The following PURB variants were observed in gnomAD, a reference collection of about 807,000 sequenced individuals.
PURB encodes transcriptional regulator protein Pur-beta.
A neutral mutation model predicts 21.1 loss-of-function variants in PURB; 11 were observed. The ratio of observed to expected loss-of-function variants is 0.52; its 90% CI spans 0.33 to 0.86. The LOEUF (loss-of-function observed/expected upper bound fraction) is 0.86. Among genes scored for constraint, PURB ranks in the 40% least tolerant of loss-of-function variants. The pLI is 0.02. For synonymous variants in PURB, 246 were observed against 210.8 expected, an observed-to-expected ratio of 1.17 and a Z score of -1.45; for missense variants, 357 against 456.5, an observed-to-expected ratio of 0.78 and a Z score of 1.99.
In PURB at chr7:44,884,614, C is replaced by G. The variant is rs1793928037; in HGVS notation, c.735G>C (p.Leu245=). The change falls in exon 1 of 1, where the codon CTG becomes CTC. Residue 245 remains leucine, a synonymous_variant. Transcript: ENST00000395699. The stretch of plus-strand genomic sequence containing the variant: ...AGGACGGCTTCACCTCGCTCACTCG[C>G]AGAAACACCCCGTATTTGTTGCAGC... The part of the protein sequence containing the change: ...DVGCNKYGVF[L]RVSEVKPSYR... The G allele has an allele frequency of 6.2e-7, 1 of 1,614,116 alleles. No homozygotes were observed. Among genetic ancestry groups the G allele is most frequent in the Admixed American group, 1.7e-5 (1 of 60,012 alleles).
Position 44,883,505 on chromosome 7 carries a change from C to T in PURB, c.*905G>A, listed in dbSNP as rs1408412652. 2 of 152,634 alleles carry T rather than the reference C, an allele frequency of 1.3e-5. No individual in the cohort carries two copies. The highest frequency in any genetic ancestry group is 4.8e-5 in the African/African-American group (2 of 41,442). 9.5% of individuals were successfully genotyped at this position (152,634 alleles called of 1,614,324 possible). ...CCTCCATATTTAGAGATCAGGGGAA[C>T]AACTTTAGTGAGCAGCAACCAATCC... On this transcript the variant is annotated 3_prime_UTR_variant, in exon 1 of 1. Transcript: ENST00000395699.
chr7:44,884,514 T>A lies in PURB; in HGVS notation c.835A>T (p.Met279Leu). The A allele has an allele frequency of 6.2e-7, 1 of 1,614,072 alleles. No individual in the cohort carries two copies. The highest frequency in any genetic ancestry group is 8.5e-7 in the Non-Finnish European group (1 of 1,180,028). ...CTCTGTCGTTCCTGGATTTCTTTCATCTCATCCGCATACCGGCAAAAGGCG... is the reference window on the plus strand; with the variant it reads ...CTCTGTCGTTCCTGGATTTCTTTCAACTCATCCGCATACCGGCAAAAGGCG... ...GGAFCRYADE[M>L]KEIQERQRDK... Residue 279 changes from methionine to leucine, a missense_variant, in exon 1 of 1, where the codon ATG becomes TTG. Met to Leu is a conservative substitution (Grantham distance 15). Coordinates refer to ENST00000395699, the MANE Select transcript of PURB (RefSeq NM_033224.5).
Position 44,884,626 on chromosome 7 carries a change from G to A in PURB, c.723C>T (p.Tyr241=), listed in dbSNP as rs138885973. 143 of 1,614,230 alleles carry A rather than the reference G, an allele frequency of 8.9e-5. No individual in the cohort carries two copies. The African/African-American group carries it at 9.7e-4, about 11-fold the overall frequency. Residue 241 remains tyrosine, a synonymous_variant, in exon 1 of 1, where the codon TAC becomes TAT. Transcript: ENST00000395699. ...CCTCGCTCACTCGCAGAAACACCCC[G>A]TATTTGTTGCAGCCCACATCGAAGA... is the stretch of plus-strand genomic sequence containing the variant. ...RFFFDVGCNK[Y]GVFLRVSEVK... is the part of the protein sequence containing the mutation.
rs1793946464 is a variant in PURB at position 44,885,487 on chromosome 7, C to CCATCGCCTCCGCGCCCCG, written c.-140_-139insCGGGGCGCGGAGGCGATG. On this transcript the variant is annotated 5_prime_UTR_variant, in exon 1 of 1. In the 5' UTR this introduces an upstream ATG that the reference lacks. Transcript: ENST00000395699. Reference sequence around the variant, plus strand: ...GCTCATCGCCGGCCGCCGCCGCCCCCCCATCGCCTCCGCGCCCCGCCCCCG... The same window carrying CCATCGCCTCCGCGCCCCG: ...GCTCATCGCCGGCCGCCGCCGCCCCCCATCGCCTCCGCGCCCCGCCATCGCCTCCGCGCCCCGCCCCCG... 5.5e-6 allele frequency: 1 copy of CCATCGCCTCCGCGCCCCG among 183,454 alleles called. No individual in the cohort carries two copies. Among genetic ancestry groups the CCATCGCCTCCGCGCCCCG allele is most frequent in the African/African-American group, 2.4e-5 (1 of 41,864 alleles). The allele number at this position is 183,454 out of a possible 1,614,324, so 11.4% of individuals were successfully genotyped here.
In PURB at chr7:44,876,875, ATAAAAT is replaced by A. The variant is rs919244238; in HGVS notation, c.*7529_*7534del. On this transcript the variant is annotated 3_prime_UTR_variant, in exon 1 of 1. Transcript: ENST00000395699. ...TAGGGTTACAGGTGGAGGGGACCTT[ATAAAAT>A]TAAAGGTGCAGCTTCTCTTGAAGCA... 4 of 152,682 alleles carry A rather than the reference ATAAAAT, an allele frequency of 2.6e-5. 1 individual carries two copies. Among genetic ancestry groups the A allele is most frequent in the African/African-American group, 9.6e-5 (4 of 41,476 alleles). 9.5% of individuals were successfully genotyped at this position (152,682 alleles called of 1,614,324 possible).
rs1793835638 is a variant in PURB at position 44,878,826 on chromosome 7, CGTCA to C, written c.*5580_*5583del. The C allele has an allele frequency of 6.6e-6, 1 of 152,146 alleles. No homozygotes were observed. The highest frequency in any genetic ancestry group is 1.5e-5 in the Non-Finnish European group (1 of 68,006). 9.4% of individuals were successfully genotyped at this position (152,146 alleles called of 1,614,324 possible). On this transcript the variant is annotated 3_prime_UTR_variant, in exon 1 of 1. Transcript: ENST00000395699. ...TTTTCAAGTAAGAGTCTGTTAAATCCGTCAGTAATAAAACTGAGTTTTAAGACTG... is the reference window on the plus strand; with the variant it reads ...TTTTCAAGTAAGAGTCTGTTAAATCCGTAATAAAACTGAGTTTTAAGACTG...
In PURB at chr7:44,878,186, AG is replaced by A. The variant is rs1391022069; in HGVS notation, c.*6223del. 1 of 152,346 alleles carries A rather than the reference AG, an allele frequency of 6.6e-6. No individual in the cohort carries two copies. Among genetic ancestry groups the A allele is most frequent in the African/African-American group, 2.4e-5 (1 of 41,576 alleles). The allele number at this position is 152,346 out of a possible 1,614,324, so 9.4% of individuals were successfully genotyped here. ...AGCTATTGAAGTGTTATTTAAGGTA[AG>A]GGGGAAAAAAGGACAAACTCATGCC... is the stretch of plus-strand genomic sequence containing the variant. On this transcript the variant is annotated 3_prime_UTR_variant, in exon 1 of 1. Transcript: ENST00000395699.
rs1411108858 is a variant in PURB at position 44,885,047 on chromosome 7, C to T, written c.302G>A (p.Ser101Asn). 3 of 1,557,628 alleles carry T rather than the reference C, an allele frequency of 1.9e-6. No individual in the cohort carries two copies. In the South Asian group the frequency reaches 3.5e-5, roughly 18 times the overall value. ...GGCGCCAGCCGCCAGCTGCTCGGGG[C>T]TGCTAGGGCCCAGCTGCGCGTAGTG... ...IEHYAQLGPS[S>N]PEQLAAGAEE... Residue 101 changes from serine (S) to asparagine (N), a missense_variant, in exon 1 of 1, where the codon AGC becomes AAC. Coordinates refer to ENST00000395699, the MANE Select transcript of PURB (RefSeq NM_033224.5).
In PURB at chr7:44,881,231, TAAA is replaced by T. The variant is rs939812809; in HGVS notation, c.*3176_*3178del. 1 of 150,856 alleles carries T rather than the reference TAAA, an allele frequency of 6.6e-6. No homozygotes were observed. The highest frequency in any genetic ancestry group is 2.4e-5 in the African/African-American group (1 of 41,098). 9.3% of individuals were successfully genotyped at this position (150,856 alleles called of 1,614,324 possible). On this transcript the variant is annotated 3_prime_UTR_variant, in exon 1 of 1. Coordinates refer to ENST00000395699, the MANE Select transcript of PURB (RefSeq NM_033224.5). The stretch of plus-strand genomic sequence containing the variant: ...GATTAGCTGGGATGTTTGCCAAGCT[TAAA>T]AAAAAAGGCTCAAAATCATTCATAG...
chr7:44,885,304 C>CCCA lies in PURB; in HGVS notation c.42_44dup (p.Gly15dup). 1 of 1,393,394 alleles carries CCCA rather than the reference C, an allele frequency of 7.2e-7. No individual in the cohort carries two copies. Among genetic ancestry groups the CCCA allele is most frequent in the Non-Finnish European group, 9.2e-7 (1 of 1,081,298 alleles). 86.3% of individuals were successfully genotyped at this position (1,393,394 alleles called of 1,614,324 possible). A position where few individuals can be genotyped will look rare whatever the true frequency, so the allele number is the denominator to read the frequency against. ...GGGACGCGGGCTGGAACCCGCACGG[C>CCCA]CCACCGCCGCCGCCGCGCTCGCTGC... is the stretch of plus-strand genomic sequence containing the variant. On this transcript the variant is annotated inframe_insertion, in exon 1 of 1. Transcript: ENST00000395699.
Position 44,884,752 on chromosome 7 carries a change from C to T in PURB, c.597G>A (p.Glu199=). 1 of 1,610,978 alleles carries T rather than the reference C, an allele frequency of 6.2e-7. No individual in the cohort carries two copies. The highest frequency in any genetic ancestry group is 1.1e-5 in the South Asian group (1 of 90,988). The part of the protein sequence containing the change: ...LIDDYGGEDD[E]LAGGPGGGAG... ...CGCCGCCTCCCGGGCCGCCTGCCAGCTCGTCGTCCTCGCCTCCGTAGTCGT... is the reference window on the plus strand; with the variant it reads ...CGCCGCCTCCCGGGCCGCCTGCCAGTTCGTCGTCCTCGCCTCCGTAGTCGT... The change falls in exon 1 of 1, where the codon GAG becomes GAA. Residue 199 remains glutamate (E), a synonymous_variant. Coordinates refer to ENST00000395699, the MANE Select transcript of PURB (RefSeq NM_033224.5).
chr7:44,884,875 G>C lies in PURB; in HGVS notation c.474C>G (p.Gly158=), dbSNP rs758606793. ...GCAAGCCGCCCGGCCCGGGGCCCGC[G>C]CCGAAGCCGCCACCGCCGCGGTTGA... is the stretch of plus-strand genomic sequence containing the variant. ...QTVNRGGGGF[G]AGPGPGGLQS... The change falls in exon 1 of 1, where the codon GGC becomes GGG. Residue 158 remains glycine (G), a synonymous_variant. Coordinates refer to ENST00000395699, the MANE Select transcript of PURB (RefSeq NM_033224.5). 3 of 1,556,480 alleles carry C rather than the reference G, an allele frequency of 1.9e-6. No homozygotes were observed. In the South Asian group the frequency reaches 3.5e-5, roughly 18 times the overall value.
Position 44,881,144 on chromosome 7 carries a change from CCTT to C in PURB, c.*3263_*3265del, listed in dbSNP as rs1302238012. On this transcript the variant is annotated 3_prime_UTR_variant, in exon 1 of 1. Coordinates refer to ENST00000395699, the MANE Select transcript of PURB (RefSeq NM_033224.5). ...TAACTATGGTAGTTTGGGAAACAAA[CCTT>C]CTAACAATTATATGAAAAGAAGTTT... 2.0e-5 allele frequency: 3 copies of C among 152,132 alleles called. No individual in the cohort carries two copies. The highest frequency in any genetic ancestry group is 3.8e-4 in the East Asian group (2 of 5,196). The allele number at this position is 152,132 out of a possible 1,614,324, so 9.4% of individuals were successfully genotyped here.
chr7:44,876,746 C>T lies in PURB; in HGVS notation c.*7664G>A, dbSNP rs1221941490. ...AAAAATAAGAGGAATAATCTTTACT[C>T]TTTAACCAAGGTACTTAAAAAAATG... On this transcript the variant is annotated 3_prime_UTR_variant, in exon 1 of 1. Coordinates refer to ENST00000395699, the MANE Select transcript of PURB (RefSeq NM_033224.5). 1.3e-5 allele frequency: 2 copies of T among 152,634 alleles called. No homozygotes were observed. Among genetic ancestry groups the T allele is most frequent in the Non-Finnish European group, 2.9e-5 (2 of 68,040 alleles). The allele number at this position is 152,634 out of a possible 1,614,324, so 9.5% of individuals were successfully genotyped here. A position where few individuals can be genotyped will look rare whatever the true frequency, so the allele number is the denominator to read the frequency against.
Position 44,878,588 on chromosome 7 carries a change from A to G in PURB, c.*5822T>C, listed in dbSNP as rs1583742296. On this transcript the variant is annotated 3_prime_UTR_variant, in exon 1 of 1. Coordinates refer to ENST00000395699, the MANE Select transcript of PURB (RefSeq NM_033224.5). The stretch of plus-strand genomic sequence containing the variant: ...ATGTCTAATTCAAGAGACATGAGTT[A>G]GATTTTCAAATTAAATGACTGTGAA... 1 of 152,742 alleles carries G rather than the reference A, an allele frequency of 6.5e-6. No homozygotes were observed. The highest frequency in any genetic ancestry group is 1.5e-5 in the Non-Finnish European group (1 of 68,032). The allele number at this position is 152,742 out of a possible 1,614,324, so 9.5% of individuals were successfully genotyped here.
Position 44,879,415 on chromosome 7 carries a change from C to G in PURB, c.*4995G>C, listed in dbSNP as rs28696330. 1.6e-5 allele frequency: 2 copies of G among 123,504 alleles called. No individual in the cohort carries two copies. The highest frequency in any genetic ancestry group is 6.1e-5 in the African/African-American group (2 of 32,990). 7.7% of individuals were successfully genotyped at this position (123,504 alleles called of 1,614,324 possible). A position where few individuals can be genotyped will look rare whatever the true frequency, so the allele number is the denominator to read the frequency against. On this transcript the variant is annotated 3_prime_UTR_variant, in exon 1 of 1. Coordinates refer to ENST00000395699, the MANE Select transcript of PURB (RefSeq NM_033224.5). ...AAGGTAAATGTGTTTTTTTTTTTTT[C>G]TTTTTTCTTTTCTACAAACTATCTC...
chr7:44,883,949 G>A lies in PURB; in HGVS notation c.*461C>T, dbSNP rs1793917248. On this transcript the variant is annotated 3_prime_UTR_variant, in exon 1 of 1. Transcript: ENST00000395699. ...TAGATCCAAAATGCTGATTTCAATG[G>A]AGGTGAAGGGATAGACACCGCAACA... 1 of 160,802 alleles carries A rather than the reference G, an allele frequency of 6.2e-6. No individual in the cohort carries two copies. The highest frequency in any genetic ancestry group is 2.4e-5 in the African/African-American group (1 of 41,596). The allele number at this position is 160,802 out of a possible 1,614,324, so 10.0% of individuals were successfully genotyped here.
rs758464747 is a variant in PURB at position 44,885,007 on chromosome 7, C to G, written c.342G>C (p.Gly114=). 3.2e-6 allele frequency: 5 copies of G among 1,544,072 alleles called. No homozygotes were observed. The East Asian group carries it at 1.2e-4, about 38-fold the overall frequency. The change falls in exon 1 of 1, where the codon GGG becomes GGC. Residue 114 remains glycine, a synonymous_variant. Coordinates refer to ENST00000395699, the MANE Select transcript of PURB (RefSeq NM_033224.5). ...QLAAGAEEGG[G]PRRALKSEFL... is the part of the protein sequence containing the mutation. ...ATTCGCTCTTGAGCGCGCGCCGCGG[C>G]CCGCCGCCCTCCTCGGCGCCAGCCG...
rs1418631257 is a variant in PURB at position 44,879,635 on chromosome 7, TAA to T, written c.*4773_*4774del. The stretch of plus-strand genomic sequence containing the variant: ...AGTTACCTTAAGGCTCAAGGGAAAG[TAA>T]CTTATTAAATTGTGAATGCAGCATT... On this transcript the variant is annotated 3_prime_UTR_variant, in exon 1 of 1. Coordinates refer to ENST00000395699, the MANE Select transcript of PURB (RefSeq NM_033224.5). 1 of 152,608 alleles carries T rather than the reference TAA, an allele frequency of 6.6e-6. No individual in the cohort carries two copies. Among genetic ancestry groups the T allele is most frequent in the African/African-American group, 2.4e-5 (1 of 41,448 alleles). The allele number at this position is 152,608 out of a possible 1,614,324, so 9.5% of individuals were successfully genotyped here.
Sources: gnomAD v4.1 joint callset for allele counts on GRCh38, gnomAD v4.1.1 for gene constraint, MANE v1.5 for transcripts, NCBI Gene and HGNC (gene_info 2026-07-23, HGNC 2026-07-21) for gene names.